PXDNL: variants seen among roughly 807,000 people sequenced by gnomAD.
PXDNL encodes the protein peroxidasin like.
PXDNL carries 145 observed loss-of-function variants against 150.8 expected under a neutral mutation model. The observed-to-expected ratio is 0.96, with a 90% confidence interval of 0.84 to 1.10. The LOEUF is 1.10. Among genes scored for constraint, PXDNL ranks in the 50% least tolerant of loss-of-function variants. PXDNL has a pLI of 0.00. For missense variants in PXDNL, 2,087 were observed against 1,873.9 expected (o/e 1.11, Z -2.10); for synonymous variants, 757 against 725.7 (o/e 1.04, Z -0.69).
chr8:51,653,980 A>G lies in PXDNL; in HGVS notation c.236+709T>C, dbSNP rs115696259. 4.6e-5 allele frequency among the ~76,000 whole-genome samples: 7 copies of G among 152,256 alleles called. No individual in the cohort carries two copies. In the South Asian group the frequency reaches 1.5e-3, roughly 32 times the overall value. ...CTTCTCCTTATAGCACTTACTATAC[A>G]TAGGAATTTTTTCTATTACAGACAT... On this transcript the variant is annotated intron_variant, in intron 2 of 22. Transcript: ENST00000356297.
chr8:51,787,100 GA>G (rs61051633), intron 1 of PXDNL, among the ~76,000 whole-genome samples: 2 of 141,006 alleles, frequency 1.4e-5, no homozygotes, highest in African/African-American at 2.6e-5. Flanking sequence ...CTACTTCCCA[GA>G]AAAAAAAAAA....
chr8:51,549,256 C>T (rs763993997), intron 4 of PXDNL, among the ~76,000 whole-genome samples: 1 of 152,136 alleles, frequency 6.6e-6, no homozygotes, highest in Admixed American at 6.5e-5. Context: ...CCACTGACAG[C>T]ACTGGACCAG....
intron 1 of PXDNL, among the ~76,000 whole-genome samples, chr8:51,755,333 C>T (rs532584201): frequency 4.0e-5 from 6 of 150,164 alleles, no homozygotes; most frequent in Non-Finnish European, 7.4e-5. Context: ...TCGCTGTTGT[C>T]GCCCAGGCTG....
intron 1 of PXDNL, among the ~76,000 whole-genome samples, chr8:51,805,214 G>A (rs2037662515): frequency 6.6e-6 from 1 of 151,656 alleles, no homozygotes; most frequent in Admixed American, 6.6e-5. Context: ...ACTGCCAAGT[G>A]GTCATTCAAA....
At chr8:51,398,510 C>T (rs556017341) in intron 17 of PXDNL, among the ~76,000 whole-genome samples, 18 of 152,212 alleles carry the variant, frequency 1.2e-4, no homozygotes, top group Non-Finnish European at 2.4e-4. Flanking sequence ...CAGACAGCAG[C>T]TTGCCAAGTC....
At chr8:51,799,734 G>A (rs2037599250) in intron 1 of PXDNL, among the ~76,000 whole-genome samples, 1 of 152,190 alleles carries the variant, frequency 6.6e-6, no homozygotes, top group South Asian at 2.1e-4. Flanking sequence ...AACGGCTCCA[G>A]GTAAGGAGGC....
chr8:51,392,054 T>C (rs899913707), intron 17 of PXDNL, among the ~76,000 whole-genome samples: 12 of 152,218 alleles, frequency 7.9e-5, no homozygotes, highest in African/African-American at 2.9e-4. Flanking sequence ...GTTGTAGATA[T>C]GTGACGTTAT....
intron 1 of PXDNL, among the ~76,000 whole-genome samples, chr8:51,693,642 C>T (rs55740362): frequency 0.026 from 3,940 of 152,122 alleles, 195 homozygotes; most frequent in African/African-American, 0.09. Flanking sequence ...TGGTGGTGTG[C>T]GCCTGTGGTC....
intron 2 of PXDNL, among the ~76,000 whole-genome samples, chr8:51,609,953 T>A (rs1177924947): frequency 6.6e-6 from 1 of 152,208 alleles, no homozygotes; most frequent in Admixed American, 6.5e-5. Flanking sequence ...GCCCCGTTTT[T>A]CACTCGCTTG....
intron 21 of PXDNL, among the ~76,000 whole-genome samples, chr8:51,333,235 A>T (rs889459297): frequency 1.3e-5 from 2 of 152,058 alleles, no homozygotes; most frequent in Non-Finnish European, 2.9e-5. Flanking sequence ...AAACAGCGAA[A>T]CTAAGCAACA....
intron 4 of PXDNL, among the ~76,000 whole-genome samples, chr8:51,509,678 C>A (rs577166979): frequency 1.3e-5 from 2 of 151,428 alleles, no homozygotes; most frequent in Non-Finnish European, 2.9e-5. Flanking sequence ...CACATTCCCA[C>A]GTCCTGGCAC....
intron 1 of PXDNL, among the ~76,000 whole-genome samples, chr8:51,804,158 GGGACAACTTGAAGCAAAGGA>G (rs1283079821): frequency 1.3e-5 from 2 of 152,184 alleles, no homozygotes; most frequent in Non-Finnish European, 2.9e-5. Flanking sequence ...TCTGGAAGGT[GGGACAACTTGAAGCAAAGGA>G]GGACAACTTG....
chr8:51,583,888 G>A (rs373518286), intron 3 of PXDNL, among the ~76,000 whole-genome samples: 287 of 152,238 alleles, frequency 1.9e-3, no homozygotes, highest in African/African-American at 4.9e-3. Flanking sequence ...TAATTTTCAC[G>A]AAGAGAAAAT....
intron 17 of PXDNL, among the ~76,000 whole-genome samples, chr8:51,392,454 C>T (rs1350078536): frequency 1.3e-5 from 2 of 152,256 alleles, no homozygotes; most frequent in South Asian, 4.1e-4. Flanking sequence ...AGGTCCTTCA[C>T]GTCCCTTGTA....
chr8:51,760,727 A>G (rs1187469004), intron 1 of PXDNL, among the ~76,000 whole-genome samples: 1 of 152,120 alleles, frequency 6.6e-6, no homozygotes, highest in East Asian at 1.9e-4. Flanking sequence ...TTGGGATTCC[A>G]AAGTAACTTT....
At chr8:51,653,038 A>G (rs1815074214) in intron 2 of PXDNL, among the ~76,000 whole-genome samples, 1 of 152,238 alleles carries the variant, frequency 6.6e-6, no homozygotes, top group South Asian at 2.1e-4. Flanking sequence ...TCACAATTTA[A>G]TCAATGGATA....
At chr8:51,754,221 T>C (rs2037074628) in intron 1 of PXDNL, among the ~76,000 whole-genome samples, 1 of 152,204 alleles carries the variant, frequency 6.6e-6, no homozygotes, top group African/African-American at 2.4e-5. Flanking sequence ...AGGAATTTAT[T>C]CATACTAATC....
chr8:51,644,871 T>C (rs4873568), intron 2 of PXDNL, among the ~76,000 whole-genome samples: 103,481 of 151,750 alleles, frequency 0.68, 35,805 homozygotes, highest in Non-Finnish European at 0.74. Context: ...GACGGCCACA[T>C]AGGTTATGGC....
chr8:51,331,357 C>T (rs1224144096), intron 21 of PXDNL, among the ~76,000 whole-genome samples: 1 of 152,160 alleles, frequency 6.6e-6, no homozygotes, highest in African/African-American at 2.4e-5. Context: ...CAGCCCTTTC[C>T]TGCCTGACAC....
Sources: allele counts gnomAD v4.1 joint callset (sites outside exome capture counted in the v4.1 genomes callset), GRCh38; gene constraint gnomAD v4.1.1; transcripts MANE v1.5; gene names NCBI Gene and HGNC (gene_info 2026-07-23, HGNC 2026-07-21).